The following GOLGA8A variants were observed in gnomAD, a reference collection of about 807,000 sequenced individuals.
GOLGA8A encodes the protein golgin A8 family member A.
A neutral mutation model predicts 22.1 loss-of-function variants in GOLGA8A; 3 were observed. That is an observed-to-expected ratio of 0.14 (90% CI 0.06 to 0.35). The LOEUF (loss-of-function observed/expected upper bound fraction) is 0.35. GOLGA8A is among the 10% of genes least tolerant of loss of function. The probability of loss-of-function intolerance (pLI) is 1.00; values close to 1 mark genes in which losing one functional copy is unlikely to be tolerated. For missense variants in GOLGA8A, 16 were observed against 233.2 expected, an observed-to-expected ratio of 0.07 and a Z score of 6.07; for synonymous variants, 7 against 91.7, an observed-to-expected ratio of 0.08 and a Z score of 5.28.
At position 34,433,554 on chromosome 15, in the gene GOLGA8A, T is replaced by C. The variant is rs114344838; in HGVS notation, c.-1123+1829A>G. On this transcript the variant is annotated intron_variant, in intron 2 of 24. Transcript: ENST00000359187. ...CTGAAGCTCTTTCTTGACTGCCCAC[T>C]GAATGAGGGTCTGTGCTACATTCCA... Among the ~76,000 whole-genome samples, 820 of 149,226 alleles carry C rather than the reference T, an allele frequency of 5.5e-3. 67 individuals carry two copies. The highest frequency in any genetic ancestry group is 0.019 in the African/African-American group (783 of 40,494).
intron 2 of GOLGA8A, among the ~76,000 whole-genome samples, chr15:34,429,613 AC>A (rs1382603481): frequency 6.7e-6 from 1 of 149,118 alleles, no homozygotes; most frequent in East Asian, 2.0e-4. Context: ...ATGCCACTGC[AC>A]ATTCTCCAGC....
chr15:34,428,237 C>A (rs201624637), intron 2 of GOLGA8A, among the ~76,000 whole-genome samples: 4 of 147,550 alleles, frequency 2.7e-5, no homozygotes, highest in African/African-American at 1.0e-4. Flanking sequence ...AGGACCACAC[C>A]CGTGAGCCAC....
rs551795661 is a variant in GOLGA8A, at chr15:34,431,179, T to C, written c.-1123+4204A>G. Among the ~76,000 whole-genome samples, 477 of 147,496 alleles carry C rather than the reference T, an allele frequency of 3.2e-3. 21 individuals are homozygous for C. The highest frequency in any genetic ancestry group is 5.6e-3 in the Non-Finnish European group (374 of 66,726). Reference sequence around the variant, plus strand: ...ACCAACTGCGGGAAACCATAAACGATACTTGTTTATTAAATTAAGAACAGA... The same window carrying C: ...ACCAACTGCGGGAAACCATAAACGACACTTGTTTATTAAATTAAGAACAGA... On this transcript the variant is annotated intron_variant, in intron 2 of 24. Transcript: ENST00000359187.
chr15:34,425,462 G>A lies in GOLGA8A; in HGVS notation c.-1123+9921C>T, dbSNP rs183582274. Among the ~76,000 whole-genome samples the A allele has an allele frequency of 9.6e-4, 139 of 145,342 alleles. 7 individuals carry two copies. The East Asian group carries it at 0.027, about 28-fold the overall frequency. On this transcript the variant is annotated intron_variant, in intron 2 of 24. Coordinates refer to ENST00000359187, the MANE Select transcript of GOLGA8A (RefSeq NM_181077.5). ...TTTAGATCAAAGAAGAGATGTAAAT[G>A]TAAAAAAATCGAGACTATCAAGTAT...
chr15:34,397,451 G>C (rs1485233016), intron 8 of GOLGA8A, among the ~76,000 whole-genome samples: 3 of 148,082 alleles, frequency 2.0e-5, no homozygotes, highest in African/African-American at 7.3e-5. Context: ...TCTAATATTT[G>C]AAGTCTGTAT....
At chr15:34,432,534 C>T (rs1424643587) in intron 2 of GOLGA8A, among the ~76,000 whole-genome samples, 5 of 148,848 alleles carry the variant, frequency 3.4e-5, no homozygotes, top group African/African-American at 9.9e-5. Context: ...CTAGATTTGT[C>T]GGGAAATTAT....
At chr15:34,403,001 A>AG (rs1892080478) in intron 5 of GOLGA8A, among the ~76,000 whole-genome samples, 1 of 122,994 alleles carries the variant, frequency 8.1e-6, no homozygotes, top group African/African-American at 3.3e-5. Flanking sequence ...AAAAAAAAAA[A>AG]AAAAAGTCCA....
Position 34,421,227 on chromosome 15 carries a change from A to G in GOLGA8A, c.-1122-13492T>C, listed in dbSNP as rs1267979963. On this transcript the variant is annotated intron_variant, in intron 2 of 24. Transcript: ENST00000359187. ...TGCCCAGGCCACCACGGGGGCAGAG[A>G]CGTGAAACAGGCTTCAGCTACTAAT... Among the ~76,000 whole-genome samples, 33 of 143,630 alleles carry G rather than the reference A, an allele frequency of 2.3e-4. 5 individuals carry two copies. Among genetic ancestry groups the G allele is most frequent in the Non-Finnish European group, 4.1e-4 (27 of 65,544 alleles). 94.2% of individuals were successfully genotyped at this position (143,630 alleles called of 152,430 possible).
chr15:34,423,278 T>C (rs1595662461), intron 2 of GOLGA8A, among the ~76,000 whole-genome samples: 1 of 125,092 alleles, frequency 8.0e-6, no homozygotes, highest in Non-Finnish European at 1.7e-5. Flanking sequence ...GCAGCTCCTG[T>C]TGGAAGAGGC....
In GOLGA8A at chr15:34,433,904, A is replaced by G. The variant is rs1238822139; in HGVS notation, c.-1123+1479T>C. On this transcript the variant is annotated intron_variant, in intron 2 of 24. Coordinates refer to ENST00000359187, the MANE Select transcript of GOLGA8A (RefSeq NM_181077.5). ...AAGGGGAAGTAACGCTAATTTATGT[A>G]GGGCTGTCAGGGAGCCGGCAATAAG... Among the ~76,000 whole-genome samples the G allele has an allele frequency of 1.3e-5, 2 of 149,468 alleles. 1 individual carries two copies. The highest frequency in any genetic ancestry group is 3.0e-5 in the Non-Finnish European group (2 of 67,234).
rs1334168714 is a variant in GOLGA8A at position 34,379,175 on chromosome 15, C to T, written c.*2236G>A. ...GTATTTCCGTTACACATTCTGTTAA[C>T]AAGAACTCATACATTGGTAAAATTC... On this transcript the variant is annotated 3_prime_UTR_variant, in exon 25 of 25. Transcript: ENST00000359187. The T allele has an allele frequency of 6.6e-6, 1 of 152,610 alleles. No homozygotes were observed. The highest frequency in any genetic ancestry group is 1.5e-5 in the Non-Finnish European group (1 of 68,036). 9.5% of individuals were successfully genotyped at this position (152,610 alleles called of 1,614,324 possible).
intron 2 of GOLGA8A, among the ~76,000 whole-genome samples, chr15:34,431,541 T>C (rs116928894): frequency 0.094 from 13,787 of 147,214 alleles, 1,647 homozygotes; most frequent in South Asian, 0.25. Context: ...TAGGGTACAG[T>C]CTACTGCTCC....
At chr15:34,433,362 A>G (rs1317943410) in intron 2 of GOLGA8A, among the ~76,000 whole-genome samples, 1 of 149,210 alleles carries the variant, frequency 6.7e-6, no homozygotes, top group East Asian at 2.0e-4. Context: ...AGGGAGACGC[A>G]GCGCTGACTT....
intron 23 of GOLGA8A, 53 bp downstream of exon 23, chr15:34,381,915 C>CT (rs1186140309): frequency 3.9e-5 from 17 of 433,120 alleles, no homozygotes; most frequent in African/African-American, 2.5e-4. Flanking sequence ...CATGCCCACC[C>CT]CACCCACACC....
chr15:34,432,924 A>G (rs1205165737), intron 2 of GOLGA8A, among the ~76,000 whole-genome samples: 2 of 148,826 alleles, frequency 1.3e-5, no homozygotes, highest in East Asian at 2.0e-4. Context: ...CTGTCATAAA[A>G]TATCTCGCAT....
chr15:34,425,431 A>C (rs1205290720), intron 2 of GOLGA8A, among the ~76,000 whole-genome samples: 1 of 145,746 alleles, frequency 6.9e-6, no homozygotes, highest in African/African-American at 2.5e-5. Context: ...CGTATCTAAA[A>C]TACATTTTAG....
chr15:34,425,398 A>C (rs1299445529), intron 2 of GOLGA8A, among the ~76,000 whole-genome samples: 1 of 145,564 alleles, frequency 6.9e-6, no homozygotes. Flanking sequence ...TAAAAAAAAA[A>C]AAACTACATC....
At chr15:34,393,402 AT>A (rs1891835334) in intron 8 of GOLGA8A, among the ~76,000 whole-genome samples, 1 of 130,790 alleles carries the variant, frequency 7.6e-6, no homozygotes, top group Admixed American at 7.6e-5. Flanking sequence ...ATAATGTTGG[AT>A]TTCAATTGCA....
chr15:34,424,591 C>T (rs1435908756), intron 2 of GOLGA8A, among the ~76,000 whole-genome samples: 1 of 137,734 alleles, frequency 7.3e-6, no homozygotes, highest in African/African-American at 2.7e-5. Flanking sequence ...CCAGTGACAA[C>T]AGCAGCAGAA....
Sources: allele counts gnomAD v4.1 joint callset (sites outside exome capture counted in the v4.1 genomes callset), GRCh38; gene constraint gnomAD v4.1.1; transcripts MANE v1.5; gene names NCBI Gene and HGNC (gene_info 2026-07-23, HGNC 2026-07-21).